The following NTSR1 variants were observed in gnomAD, a reference collection of about 807,000 sequenced individuals.
NTSR1 encodes neurotensin receptor type 1.
In NTSR1, 29 loss-of-function variants were observed where a neutral mutation model predicts 31.2. The ratio of observed to expected loss-of-function variants is 0.93; its 90% CI spans 0.69 to 1.27. The LOEUF (loss-of-function observed/expected upper bound fraction) is 1.27, where lower values mean the gene tolerates loss of function less well. Among genes scored for constraint, NTSR1 ranks in the 50% most tolerant of loss-of-function variants. The pLI, the probability that NTSR1 is intolerant of heterozygous loss-of-function variation, is 0.00. For missense variants in NTSR1, 697 were observed against 595.4 expected (o/e 1.17, Z -1.78); for synonymous variants, 282 against 269.9 (o/e 1.04, Z -0.44).
At chr20:62,727,557 G>A (rs575057855) in intron 1 of NTSR1, among the ~76,000 whole-genome samples, 7 of 152,210 alleles carry the variant, frequency 4.6e-5, no homozygotes, top group African/African-American at 7.2e-5. Flanking sequence ...TGGTACGGCC[G>A]CTGGGCAGTG....
chr20:62,726,193 C>G (rs1459881147), intron 1 of NTSR1, among the ~76,000 whole-genome samples: 1 of 152,168 alleles, frequency 6.6e-6, no homozygotes, highest in Non-Finnish European at 1.5e-5. Flanking sequence ...TGTCCTGATT[C>G]TCTCCCCAAA....
At chr20:62,759,412 C>T (rs1222332244) in intron 3 of NTSR1, among the ~76,000 whole-genome samples, 3 of 152,096 alleles carry the variant, frequency 2.0e-5, no homozygotes, top group African/African-American at 2.4e-5. Context: ...CACAGAGCTG[C>T]GAAGGGCAAT....
intron 1 of NTSR1, among the ~76,000 whole-genome samples, chr20:62,721,835 C>T (rs556633142): frequency 1.3e-5 from 2 of 152,310 alleles, no homozygotes; most frequent in South Asian, 4.1e-4. Context: ...CCTCTGCTGA[C>T]TTCTTTAGAT....
intron 1 of NTSR1, among the ~76,000 whole-genome samples, chr20:62,713,901 C>T (rs1451985036): frequency 6.6e-6 from 1 of 152,080 alleles, no homozygotes; most frequent in African/African-American, 2.4e-5. Context: ...GGAGTTCAAG[C>T]CCAGCCTGGC....
chr20:62,758,820 A>G lies in NTSR1; in HGVS notation c.1007+464A>G, dbSNP rs1989560527. 6.6e-6 allele frequency among the ~76,000 whole-genome samples: 1 copy of G among 152,288 alleles called. No homozygotes were observed. The highest frequency in any genetic ancestry group is 1.5e-5 in the Non-Finnish European group (1 of 68,006). The stretch of plus-strand genomic sequence containing the variant: ...CTTATACAGCAAAGTCAGCAAAGGG[A>G]AAAGACACATGGAGTGGGGTCAGCG... On this transcript the variant is annotated intron_variant, in intron 3 of 3. Transcript: ENST00000370501. The surrounding 1 kb of genome is among the most constrained non-coding windows in gnomAD (Gnocchi z 4.5).
rs73918674 is a variant in NTSR1, at chr20:62,741,897, C to A, written c.715-12788C>A. On this transcript the variant is annotated intron_variant, in intron 1 of 3. Transcript: ENST00000370501. The surrounding 1 kb of genome is among the most constrained non-coding windows in gnomAD (Gnocchi z 4.3). The stretch of plus-strand genomic sequence containing the variant: ...TGGGAGCTCAGGCTGTGGGATCAGG[C>A]CCCTGGGTTCACAACTGTGCCTGGG... Among the ~76,000 whole-genome samples the A allele has an allele frequency of 0.066, 9,792 of 149,172 alleles. 1,604 individuals are homozygous for A. Among genetic ancestry groups the A allele is most frequent in the African/African-American group, 0.22 (8,560 of 39,810 alleles).
At chr20:62,716,624 C>T (rs917744249) in intron 1 of NTSR1, among the ~76,000 whole-genome samples, 1 of 52,040 alleles carries the variant, frequency 1.9e-5, no homozygotes, top group African/African-American at 5.5e-5. Context: ...TGAAAAACAA[C>T]AGCAGCAGAG....
rs1471137090 is a variant in NTSR1, at chr20:62,709,708, C to T, written c.501C>T (p.Tyr167=). Residue 167 remains tyrosine, a synonymous_variant, in exon 1 of 4, where the codon TAC becomes TAT. Transcript: ENST00000370501. ...TGGCCAGCCTGAGTGTGGAGCGCTA[C>T]CTGGCCATCTGCCACCCCTTCAAGG... ...LNVASLSVER[Y]LAICHPFKAK... is the part of the protein sequence containing the mutation. 1.2e-6 allele frequency: 2 copies of T among 1,612,834 alleles called. No individual in the cohort carries two copies. The highest frequency in any genetic ancestry group is 2.2e-5 in the South Asian group (2 of 91,064).
intron 1 of NTSR1, among the ~76,000 whole-genome samples, chr20:62,748,084 A>G (rs896529565): frequency 2.0e-5 from 3 of 151,696 alleles, no homozygotes; most frequent in African/African-American, 7.2e-5. Flanking sequence ...CTGAGGCAGG[A>G]GAATTGCTTG....
intron 1 of NTSR1, among the ~76,000 whole-genome samples, chr20:62,746,882 T>G (rs1295746245): frequency 6.6e-6 from 1 of 152,122 alleles, no homozygotes; most frequent in African/African-American, 2.4e-5. Context: ...ATTCCGAAAA[T>G]GTGAAGAGGA....
At chr20:62,738,636 C>T (rs922546445) in intron 1 of NTSR1, among the ~76,000 whole-genome samples, 2 of 152,380 alleles carry the variant, frequency 1.3e-5, no homozygotes, top group East Asian at 1.9e-4. Context: ...GGCCACAGGC[C>T]TCAGCCGTGC....
At chr20:62,759,308 G>A (rs1460852671) in intron 3 of NTSR1, among the ~76,000 whole-genome samples, 1 of 152,164 alleles carries the variant, frequency 6.6e-6, no homozygotes, top group East Asian at 1.9e-4. Context: ...ACAAGCTGAG[G>A]GCAAGGTGTG....
chr20:62,709,102 C>G lies in NTSR1; in HGVS notation c.-106C>G. On this transcript the variant is annotated 5_prime_UTR_variant, in exon 1 of 4. Transcript: ENST00000370501. Reference sequence around the variant, plus strand: ...CGCCCGCTGGTCTTCGCCACGCGCCCTCCCCTGGGCTCCCGTTCATCGGTC... The same window carrying G: ...CGCCCGCTGGTCTTCGCCACGCGCCGTCCCCTGGGCTCCCGTTCATCGGTC... 1.1e-6 allele frequency: 1 copy of G among 943,144 alleles called. No individual in the cohort carries two copies. Among genetic ancestry groups the G allele is most frequent in the Non-Finnish European group, 1.4e-6 (1 of 693,462 alleles). 58.4% of individuals were successfully genotyped at this position (943,144 alleles called of 1,614,324 possible). A position where few individuals can be genotyped will look rare whatever the true frequency, so the allele number is the denominator to read the frequency against.
In NTSR1 at chr20:62,709,689, G is replaced by A. The variant is rs768307922; in HGVS notation, c.482G>A (p.Ser161Asn). Residue 161 changes from serine (S) to asparagine (N), a missense_variant, in exon 1 of 4, where the codon AGC becomes AAC. Transcript: ENST00000370501. ...TACGCCACGGCCCTCAACGTGGCCA[G>A]CCTGAGTGTGGAGCGCTACCTGGCC... is the stretch of plus-strand genomic sequence containing the variant. ...CTYATALNVASLSVERYLAIC... is the reference protein window; with the variant it reads ...CTYATALNVANLSVERYLAIC... 8.7e-6 allele frequency: 14 copies of A among 1,612,772 alleles called. No individual in the cohort carries two copies. In the South Asian group the frequency reaches 1.4e-4, roughly 16 times the overall value.
In NTSR1 at chr20:62,715,709, G is replaced by T. The variant is rs1988702866; in HGVS notation, c.714+5788G>T. Reference sequence around the variant, plus strand: ...CTCCAAGGACAAATGGGGTCCTGGGGCTGTGCCTGCAGTTCTGTGGGTACT... The same window carrying T: ...CTCCAAGGACAAATGGGGTCCTGGGTCTGTGCCTGCAGTTCTGTGGGTACT... On this transcript the variant is annotated intron_variant, in intron 1 of 3. Coordinates refer to ENST00000370501, the MANE Select transcript of NTSR1 (RefSeq NM_002531.3). This position sits in a 1 kb window ranked among gnomAD's most constrained non-coding sequence, Gnocchi z 4.7. 6.6e-6 allele frequency among the ~76,000 whole-genome samples: 1 copy of T among 152,252 alleles called. No individual in the cohort carries two copies. The highest frequency in any genetic ancestry group is 2.1e-4 in the South Asian group (1 of 4,836).
intron 1 of NTSR1, among the ~76,000 whole-genome samples, chr20:62,717,375 C>T (rs778068254): frequency 2.6e-5 from 4 of 152,176 alleles, no homozygotes; most frequent in South Asian, 2.1e-4. Flanking sequence ...GAATGCTTCC[C>T]GAGAATAGGT....
chr20:62,714,019 G>A lies in NTSR1; in HGVS notation c.714+4098G>A, dbSNP rs2147131593. ...GGAGGCTGAGGCAGGAGAATCGCTT[G>A]AGCTTGGGAGGCGGAGGTTGCAGTG... On this transcript the variant is annotated intron_variant, in intron 1 of 3. Coordinates refer to ENST00000370501, the MANE Select transcript of NTSR1 (RefSeq NM_002531.3). This position sits in a 1 kb window ranked among gnomAD's most constrained non-coding sequence, Gnocchi z 4.1. Among the ~76,000 whole-genome samples, 1 of 152,324 alleles carries A rather than the reference G, an allele frequency of 6.6e-6. No individual in the cohort carries two copies. The highest frequency in any genetic ancestry group is 1.5e-5 in the Non-Finnish European group (1 of 68,026).
intron 2 of NTSR1, among the ~76,000 whole-genome samples, chr20:62,755,520 G>C (rs111220306): frequency 0.55 from 33 of 60 alleles, 16 homozygotes; most frequent in African/African-American, 1. Flanking sequence ...TCCTCCCTCC[G>C]TCCATCACTC....
At chr20:62,726,871 T>C (rs1012656029) in intron 1 of NTSR1, among the ~76,000 whole-genome samples, 9 of 152,124 alleles carry the variant, frequency 5.9e-5, no homozygotes, top group African/African-American at 2.2e-4. Context: ...GGACGGGCAC[T>C]TCCTGCCCAG....
Sources: gnomAD v4.1 joint callset for allele counts (sites outside exome capture counted in the v4.1 genomes callset) on GRCh38, gnomAD v4.1.1 for gene constraint, Gnocchi (gnomAD v3.1) non-coding constraint, MANE v1.5 for transcripts, NCBI Gene and HGNC (gene_info 2026-07-23, HGNC 2026-07-21) for gene names.